The following PRDM5 variants were observed in gnomAD, a reference collection of about 807,000 sequenced individuals.
The protein encoded by PRDM5 is PR/SET domain 5.
A neutral mutation model predicts 81.2 loss-of-function variants in PRDM5; 56 were observed. The ratio of observed to expected loss-of-function variants is 0.69; its 90% CI spans 0.56 to 0.86. PRDM5 has a LOEUF of 0.86. Ranked by LOEUF, PRDM5 falls within the 40% of genes least tolerant of loss-of-function variation. The probability of loss-of-function intolerance (pLI) is 0.00; values close to 1 mark genes in which losing one functional copy is unlikely to be tolerated. For missense variants in PRDM5, 697 were observed against 770.1 expected, an observed-to-expected ratio of 0.91 and a Z score of 1.12; for synonymous variants, 267 against 256.4, an observed-to-expected ratio of 1.04 and a Z score of -0.39.
intron 2 of PRDM5, among the ~76,000 whole-genome samples, chr4:120,901,158 T>G (rs996715148): frequency 6.6e-6 from 1 of 152,182 alleles, no homozygotes; most frequent in Non-Finnish European, 1.5e-5. Flanking sequence ...CAGTGGTGAC[T>G]TCTGAGATGT....
intron 10 of PRDM5, among the ~76,000 whole-genome samples, chr4:120,796,475 G>T (rs1337212581): frequency 6.6e-6 from 1 of 152,150 alleles, no homozygotes; most frequent in Non-Finnish European, 1.5e-5. Flanking sequence ...CATATAACAT[G>T]AGCCAAACTG....
chr4:120,818,342 A>T lies in PRDM5; in HGVS notation c.650+11T>A, dbSNP rs766006436. The T allele has an allele frequency of 1.2e-6, 2 of 1,610,426 alleles. No individual in the cohort carries two copies. The highest frequency in any genetic ancestry group is 3.3e-5 in the Admixed American group (2 of 59,950). On this transcript the variant is annotated intron_variant, in intron 5 of 15. Coordinates refer to ENST00000264808, the MANE Select transcript of PRDM5 (RefSeq NM_018699.4). ...CTTATAATTTTAAAGATATTTCTTTAATATACGCACTGTCTTTGCAAAGCC... is the reference window on the plus strand; with the variant it reads ...CTTATAATTTTAAAGATATTTCTTTTATATACGCACTGTCTTTGCAAAGCC...
At chr4:120,776,511 A>G (rs907666501) in intron 13 of PRDM5, among the ~76,000 whole-genome samples, 7 of 151,866 alleles carry the variant, frequency 4.6e-5, no homozygotes, top group Admixed American at 3.3e-4. Context: ...TAGGTACTGA[A>G]AAAAGTTTTC....
intron 14 of PRDM5, among the ~76,000 whole-genome samples, chr4:120,741,099 T>G (rs1451987201): frequency 6.6e-6 from 1 of 152,162 alleles, no homozygotes; most frequent in Non-Finnish European, 1.5e-5. Context: ...TCAACCAACT[T>G]GCTTTTGCAT....
At chr4:120,884,856 T>C (rs954119368) in intron 2 of PRDM5, among the ~76,000 whole-genome samples, 1 of 152,018 alleles carries the variant, frequency 6.6e-6, no homozygotes, top group Non-Finnish European at 1.5e-5. Flanking sequence ...TCTCTTTCCC[T>C]TTCCCAGTTC....
intron 13 of PRDM5, among the ~76,000 whole-genome samples, chr4:120,761,622 G>C (rs952958761): frequency 1.3e-4 from 20 of 152,098 alleles, no homozygotes; most frequent in Middle Eastern, 3.2e-3. Context: ...CGATCCTAAA[G>C]CCACATCACT....
chr4:120,752,514 C>A (rs919595831), intron 14 of PRDM5, among the ~76,000 whole-genome samples: 8 of 152,100 alleles, frequency 5.3e-5, no homozygotes, highest in Admixed American at 3.9e-4. Context: ...AAACTTCTGA[C>A]AAGGGACCAT....
At chr4:120,826,969 T>C (rs964104492) in intron 3 of PRDM5, among the ~76,000 whole-genome samples, 1 of 152,208 alleles carries the variant, frequency 6.6e-6, no homozygotes, top group Admixed American at 6.5e-5. Flanking sequence ...TAAATCTATC[T>C]CTTCTCTGTA....
At chr4:120,905,774 C>T (rs147718175) in intron 2 of PRDM5, among the ~76,000 whole-genome samples, 4 of 152,220 alleles carry the variant, frequency 2.6e-5, no homozygotes, top group African/African-American at 9.6e-5. Flanking sequence ...GTGTGGAAAA[C>T]TCCAGTTTTC....
intron 15 of PRDM5, among the ~76,000 whole-genome samples, chr4:120,701,364 A>G (rs1457167126): frequency 6.6e-6 from 1 of 152,142 alleles, no homozygotes; most frequent in Non-Finnish European, 1.5e-5. Flanking sequence ...CATTTTACCA[A>G]AAAGACATAT....
chr4:120,908,461 G>A (rs1350613950), intron 1 of PRDM5, among the ~76,000 whole-genome samples: 1 of 152,186 alleles, frequency 6.6e-6, no homozygotes, highest in East Asian at 1.9e-4. Context: ...GATGAACATT[G>A]TAAGGAGAAA....
intron 2 of PRDM5, among the ~76,000 whole-genome samples, chr4:120,860,519 A>T (rs1356145743): frequency 2.0e-5 from 3 of 152,158 alleles, no homozygotes; most frequent in African/African-American, 7.2e-5. Context: ...AGTTTTACGA[A>T]CCTGTTCAGC....
intron 14 of PRDM5, among the ~76,000 whole-genome samples, chr4:120,730,785 A>G (rs1740135291): frequency 1.1e-5 from 1 of 94,366 alleles, no homozygotes; most frequent in Non-Finnish European, 2.3e-5. Flanking sequence ...CTTCAATGCT[A>G]AATATTTATA....
At chr4:120,880,737 T>C (rs543920627) in intron 2 of PRDM5, among the ~76,000 whole-genome samples, 2 of 152,168 alleles carry the variant, frequency 1.3e-5, no homozygotes, top group South Asian at 2.1e-4. Flanking sequence ...TATTCCAATA[T>C]GTAAATAGAG....
At chr4:120,743,373 A>G (rs1216091694) in intron 14 of PRDM5, among the ~76,000 whole-genome samples, 1 of 151,610 alleles carries the variant, frequency 6.6e-6, no homozygotes, top group African/African-American at 2.4e-5. Flanking sequence ...TGCATCAACT[A>G]ACGAGCAAAA....
chr4:120,707,872 C>T (rs151292466), intron 15 of PRDM5, among the ~76,000 whole-genome samples: 1 of 151,980 alleles, frequency 6.6e-6, no homozygotes, highest in East Asian at 1.9e-4. Flanking sequence ...AACATTTCTC[C>T]AGAAAAGATG....
At chr4:120,805,548 T>C (rs1015468783) in intron 8 of PRDM5, among the ~76,000 whole-genome samples, 1 of 152,090 alleles carries the variant, frequency 6.6e-6, no homozygotes, top group Non-Finnish European at 1.5e-5. Context: ...TGGTTCAACA[T>C]ACACAAATCA....
chr4:120,749,540 G>T (rs1409110286), intron 14 of PRDM5, among the ~76,000 whole-genome samples: 3 of 152,160 alleles, frequency 2.0e-5, no homozygotes, highest in Non-Finnish European at 4.4e-5. Context: ...ACAAGGTGAT[G>T]AGCAGTGGCT....
chr4:120,900,001 C>G (rs2148657072), intron 2 of PRDM5, among the ~76,000 whole-genome samples: 1 of 152,186 alleles, frequency 6.6e-6, no homozygotes, highest in Admixed American at 6.5e-5. Flanking sequence ...TGCATAGATA[C>G]AGAAAAAGGC....
Sources: gnomAD v4.1 joint callset for allele counts (sites outside exome capture counted in the v4.1 genomes callset) on GRCh38, gnomAD v4.1.1 for gene constraint, MANE v1.5 for transcripts, NCBI Gene and HGNC (gene_info 2026-07-23, HGNC 2026-07-21) for gene names.